GLB1: variants seen among roughly 807,000 people sequenced by gnomAD.
The protein encoded by GLB1 is galactosidase beta 1, also known as beta-galactosidase.
A neutral mutation model predicts 74.0 loss-of-function variants in GLB1; 56 were observed. The ratio of observed to expected loss-of-function variants is 0.76; its 90% confidence interval spans 0.61 to 0.94. GLB1 has a LOEUF of 0.94. GLB1 is among the 40% of genes least tolerant of loss of function. GLB1 has a pLI of 0.00. For missense variants in GLB1, 787 were observed against 845.5 expected (o/e 0.93, Z 0.86); for synonymous variants, 323 against 323.6 (o/e 1.00, Z 0.02).
chr3:33,027,462 C>T (rs1412271681), intron 10 of GLB1, among the ~76,000 whole-genome samples: 2 of 152,230 alleles, frequency 1.3e-5, no homozygotes, highest in South Asian at 2.1e-4. Context: ...GAGCAAAACT[C>T]GGGCAAAGGC....
the GLB1 span, among the ~76,000 whole-genome samples, chr3:32,976,960 C>T: frequency 5.9e-5 from 9 of 152,094 alleles, no homozygotes; most frequent in Non-Finnish European, 1.2e-4. Flanking sequence ...CTCTTTAATG[C>T]TTCTGTAAAG....
intron 12 of GLB1, 31 bp from the exon 13 acceptor site, chr3:33,018,592 T>A: frequency 6.2e-6 from 10 of 1,608,736 alleles, no homozygotes; most frequent in Non-Finnish European, 8.5e-6. Context: ...GAAAAATACA[T>A]CACTATTGCC....
the GLB1 span, among the ~76,000 whole-genome samples, chr3:32,961,317 T>C: frequency 6.6e-6 from 1 of 152,128 alleles, no homozygotes; most frequent in Non-Finnish European, 1.5e-5. Flanking sequence ...TGAGATCAGG[T>C]GAAACCTGTG....
At chr3:33,038,870 G>A (rs1698390325) in intron 10 of GLB1, among the ~76,000 whole-genome samples, 2 of 152,240 alleles carry the variant, frequency 1.3e-5, no homozygotes, top group South Asian at 4.1e-4. Context: ...AGAAGTAAAA[G>A]TAAATCTCTT....
chr3:33,042,112 T>C (rs1165226536), intron 10 of GLB1, among the ~76,000 whole-genome samples: 1 of 152,160 alleles, frequency 6.6e-6, no homozygotes, highest in East Asian at 1.9e-4. Context: ...ACTACCTTCA[T>C]AAGCCACAAT....
At position 33,093,993 on chromosome 3, in the gene GLB1, A is replaced by G. The variant is rs200692096; in HGVS notation, c.75+3018T>C. The G allele has an allele frequency of 5.0e-6, 8 of 1,614,102 alleles. No homozygotes were observed. The highest frequency in any genetic ancestry group is 5.1e-6 in the Non-Finnish European group (6 of 1,180,044). ...AGCTGGGGAGTGGCAGAGGTTGCTC[A>G]CTGTGCTGCGCCAAATGTAGAGGGA... On this transcript the variant is annotated intron_variant, in intron 1 of 15. Transcript: ENST00000307363. The surrounding 1 kb of genome is among the most constrained non-coding windows in gnomAD (Gnocchi z 6.0).
chr3:32,998,517 A>G (rs55696611), intron 15 of GLB1, among the ~76,000 whole-genome samples: 7,562 of 152,094 alleles, frequency 0.05, 212 homozygotes, highest in Admixed American at 0.062. Context: ...CGTCTCAAAA[A>G]AAAAAAAAAA....
chr3:32,970,147 GT>G, the GLB1 span, among the ~76,000 whole-genome samples: 1 of 152,346 alleles, frequency 6.6e-6, no homozygotes, highest in South Asian at 2.1e-4. Context: ...GGCTGAAATA[GT>G]TCAGGACTTA....
chr3:33,096,842 G>A (rs1424768953), intron 1 of GLB1, 169 bp downstream of exon 1: 5 of 1,376,374 alleles, frequency 3.6e-6, no homozygotes, highest in Admixed American at 7.8e-5. Flanking sequence ...GCCCCCGACG[G>A]GAAGGCCGGT....
chr3:33,010,938 C>T (rs1038224831), intron 15 of GLB1, among the ~76,000 whole-genome samples: 2 of 152,144 alleles, frequency 1.3e-5, no homozygotes, highest in Non-Finnish European at 2.9e-5. Context: ...CTCACTGCAG[C>T]CTCTGCCTTC....
At position 33,024,269 on chromosome 3, in the gene GLB1, T is replaced by C; in HGVS notation, c.1125A>G (p.Gly375=). 1 of 1,613,170 alleles carries C rather than the reference T, an allele frequency of 6.2e-7. No individual in the cohort carries two copies. The highest frequency in any genetic ancestry group is 8.5e-7 in the Non-Finnish European group (1 of 1,179,920). ...TTCTTACCTTTTCCAAAGTGACCTT[T>C]CCATATGCAAACTTTGGTGTAGATG... is the stretch of plus-strand genomic sequence containing the variant. The part of the protein sequence containing the change: ...IPPSTPKFAY[G]KVTLEKLKTV... Residue 375 remains glycine, a synonymous_variant, in exon 11 of 16, where the codon GGA becomes GGG. Coordinates refer to ENST00000307363, the MANE Select transcript of GLB1 (RefSeq NM_000404.4).
chr3:32,969,175 G>T, the GLB1 span, among the ~76,000 whole-genome samples: 1 of 152,186 alleles, frequency 6.6e-6, no homozygotes, highest in Non-Finnish European at 1.5e-5. Context: ...GTATGCAGTG[G>T]TGACTTTGGA....
At chr3:33,085,274 CA>C (rs772490092) in intron 1 of GLB1, among the ~76,000 whole-genome samples, 104 of 74,124 alleles carry the variant, frequency 1.4e-3, no homozygotes, top group African/African-American at 2.5e-3. Flanking sequence ...GAGTCTGTTT[CA>C]AAAAAAAAAA....
At chr3:33,020,923 G>A (rs6550191) in intron 12 of GLB1, among the ~76,000 whole-genome samples, 50,131 of 151,938 alleles carry the variant, frequency 0.33, 8,746 homozygotes, top group Non-Finnish European at 0.36. Context: ...GGCAATTAAA[G>A]CACTGTTAAC....
At chr3:33,033,100 T>A (rs557779713) in intron 10 of GLB1, among the ~76,000 whole-genome samples, 120 of 152,288 alleles carry the variant, frequency 7.9e-4, no homozygotes, top group African/African-American at 2.7e-3. Flanking sequence ...AAGTTATGAA[T>A]AATGGATCAT....
intron 4 of GLB1, among the ~76,000 whole-genome samples, chr3:33,066,068 G>C (rs574224233): frequency 9.7e-4 from 147 of 152,056 alleles, no homozygotes; most frequent in African/African-American, 3.4e-3. Context: ...TACAGGACTC[G>C]ACAAGTACCT....
At chr3:33,089,685 G>A (rs1233380008) in intron 1 of GLB1, among the ~76,000 whole-genome samples, 1 of 152,150 alleles carries the variant, frequency 6.6e-6, no homozygotes, top group Non-Finnish European at 1.5e-5. Context: ...TCACTTATAC[G>A]AGGTATCTAA....
intron 1 of GLB1, chr3:33,094,063 G>A (rs771663230): frequency 1.8e-5 from 29 of 1,614,236 alleles, no homozygotes; most frequent in South Asian, 6.6e-5. Context: ...AGCTGCAAGC[G>A]AAGCAGCCAA....
chr3:33,001,212 T>C (rs1696552924), intron 15 of GLB1, among the ~76,000 whole-genome samples: 1 of 147,210 alleles, frequency 6.8e-6, no homozygotes, highest in African/African-American at 2.5e-5. Flanking sequence ...CCTTCCTGTC[T>C]TCTCTCTTCT....
Sources: gnomAD v4.1 joint callset for allele counts (sites outside exome capture counted in the v4.1 genomes callset) on GRCh38, gnomAD v4.1.1 for gene constraint, Gnocchi (gnomAD v3.1) non-coding constraint, MANE v1.5 for transcripts, NCBI Gene and HGNC (gene_info 2026-07-23, HGNC 2026-07-21) for gene names.